MEI4: variants seen among roughly 807,000 people sequenced by gnomAD.
MEI4 encodes the protein meiotic double-stranded break formation protein 4.
Under a neutral mutation model 31.4 loss-of-function variants are expected in MEI4, and 27 were observed. That is an observed-to-expected ratio of 0.86 (90% CI 0.63 to 1.19). The LOEUF (loss-of-function observed/expected upper bound fraction) is 1.19, where lower values mean the gene tolerates loss of function less well. MEI4 is among the 50% of genes most tolerant of loss of function. The pLI is 0.00. For missense variants in MEI4, 329 were observed against 398.9 expected (o/e 0.82, Z 1.49); for synonymous variants, 122 against 145.4 (o/e 0.84, Z 1.16).
At chr6:77,717,787 G>A (rs2127662341) in intron 2 of MEI4, among the ~76,000 whole-genome samples, 1 of 128,664 alleles carries the variant, frequency 7.8e-6, no homozygotes, top group South Asian at 2.5e-4. Flanking sequence ...TGGGGGTAAG[G>A]TCACAGAATC....
Position 77,699,892 on chromosome 6 carries a change from C to T in MEI4, c.232+8989C>T, listed in dbSNP as rs574658000. On this transcript the variant is annotated intron_variant, in intron 2 of 4. Transcript: ENST00000684080. ...GTCAGCAGCAGTGGCTGCAGAACAGCGGTGGCTGTAGAACAGCGGATTTTG... is the reference window on the plus strand; with the variant it reads ...GTCAGCAGCAGTGGCTGCAGAACAGTGGTGGCTGTAGAACAGCGGATTTTG... Among the ~76,000 whole-genome samples the T allele has an allele frequency of 1.0e-3, 155 of 152,100 alleles. 1 individual carries two copies. Among genetic ancestry groups the T allele is most frequent in the Admixed American group, 2.4e-3 (36 of 15,290 alleles).
chr6:77,847,103 G>GT lies in MEI4; in HGVS notation c.900+18050dup, dbSNP rs141534658. 1.8e-3 allele frequency among the ~76,000 whole-genome samples: 273 copies of GT among 150,496 alleles called. 2 individuals carry two copies. Among genetic ancestry groups the GT allele is most frequent in the African/African-American group, 4.9e-3 (201 of 41,004 alleles). ...GAGTTGAAAGGAGTGAGGGAATATT[G>GT]TTTTTTTTTGGTGAGTTAATGAAAA... On this transcript the variant is annotated intron_variant, in intron 4 of 4. Coordinates refer to ENST00000684080, the MANE Select transcript of MEI4 (RefSeq NM_001322247.2). This position sits in a 1 kb window ranked among gnomAD's most constrained non-coding sequence, Gnocchi z 4.6.
chr6:77,853,977 TATG>T (rs1478282341), intron 4 of MEI4, among the ~76,000 whole-genome samples: 14 of 152,256 alleles, frequency 9.2e-5, no homozygotes, highest in Middle Eastern at 3.4e-3. Flanking sequence ...TCTTGGAGAG[TATG>T]ATACTTGTAA....
At chr6:77,921,947 T>C (rs1008146723) in intron 4 of MEI4, among the ~76,000 whole-genome samples, 1 of 151,748 alleles carries the variant, frequency 6.6e-6, no homozygotes, top group South Asian at 2.1e-4. Context: ...TGAAATATTG[T>C]GATAATTACC....
intron 4 of MEI4, among the ~76,000 whole-genome samples, chr6:77,896,376 TATG>T (rs1270592077): frequency 6.6e-6 from 1 of 152,146 alleles, no homozygotes; most frequent in Non-Finnish European, 1.5e-5. Flanking sequence ...GGATTTAATC[TATG>T]ATGATATTGG....
At position 77,895,023 on chromosome 6, in the gene MEI4, CAT is replaced by C. The variant is rs1766052413; in HGVS notation, c.901-28063_901-28062del. ...CAGATCTCTACTTTTCAATATATACCATATGTTTCACCAGCTTTGATTTCTTT... is the reference window on the plus strand; with the variant it reads ...CAGATCTCTACTTTTCAATATATACCATGTTTCACCAGCTTTGATTTCTTT... On this transcript the variant is annotated intron_variant, in intron 4 of 4. Transcript: ENST00000684080. 2.6e-5 allele frequency among the ~76,000 whole-genome samples: 4 copies of C among 152,078 alleles called. No homozygotes were observed. In the South Asian group the frequency reaches 8.3e-4, roughly 32 times the overall value.
At chr6:77,731,944 G>T (rs1268168592) in intron 2 of MEI4, among the ~76,000 whole-genome samples, 1 of 148,646 alleles carries the variant, frequency 6.7e-6, no homozygotes. Flanking sequence ...TTGTACATAT[G>T]CGGCATTATT....
intron 4 of MEI4, among the ~76,000 whole-genome samples, chr6:77,840,775 G>C (rs932505202): frequency 6.6e-6 from 1 of 152,026 alleles, no homozygotes; most frequent in Non-Finnish European, 1.5e-5. Flanking sequence ...AGATGCCAGA[G>C]AAAAATGGCA....
chr6:77,710,459 T>C (rs1190021361), intron 2 of MEI4, among the ~76,000 whole-genome samples: 1 of 140,614 alleles, frequency 7.1e-6, no homozygotes, highest in Non-Finnish European at 1.5e-5. Context: ...GAGGTGGAGA[T>C]TGCAGTGAGC....
At chr6:77,907,718 T>C (rs1766331187) in intron 4 of MEI4, among the ~76,000 whole-genome samples, 1 of 151,880 alleles carries the variant, frequency 6.6e-6, no homozygotes, top group Non-Finnish European at 1.5e-5. Context: ...TAGAACTGAC[T>C]TCCACACTGA....
Position 77,748,627 on chromosome 6 carries a change from T to C in MEI4, c.233-12503T>C, listed in dbSNP as rs115812270. ...ATCCGTGGAGACATTTTCCCCATTG[T>C]CTTGGAGATTAACATTAGACTCCTC... On this transcript the variant is annotated intron_variant, in intron 2 of 4. Coordinates refer to ENST00000684080, the MANE Select transcript of MEI4 (RefSeq NM_001322247.2). Among the ~76,000 whole-genome samples, 479 of 152,346 alleles carry C rather than the reference T, an allele frequency of 3.1e-3. 2 individuals are homozygous for C. The highest frequency in any genetic ancestry group is 0.011 in the African/African-American group (464 of 41,588).
chr6:77,855,447 G>C (rs763978635), intron 4 of MEI4, among the ~76,000 whole-genome samples: 4 of 152,152 alleles, frequency 2.6e-5, no homozygotes, highest in Non-Finnish European at 5.9e-5. Context: ...TGGAAAAACT[G>C]CTTATGGTTC....
At chr6:77,725,077 T>A (rs1766790993) in intron 2 of MEI4, among the ~76,000 whole-genome samples, 1 of 114,680 alleles carries the variant, frequency 8.7e-6, no homozygotes, top group East Asian at 2.5e-4. Context: ...TCCTTACCAA[T>A]TCTTTTCCAA....
intron 4 of MEI4, among the ~76,000 whole-genome samples, chr6:77,882,341 C>T (rs1002380234): frequency 6.6e-6 from 1 of 152,132 alleles, no homozygotes; most frequent in African/African-American, 2.4e-5. Flanking sequence ...TCATCAAGCA[C>T]ATGATTATAC....
At chr6:77,827,055 A>G (rs1769969296) in intron 3 of MEI4, among the ~76,000 whole-genome samples, 1 of 152,050 alleles carries the variant, frequency 6.6e-6, no homozygotes, top group African/African-American at 2.4e-5. Flanking sequence ...TGCTACTTCT[A>G]TTGTGATTAA....
intron 1 of MEI4, among the ~76,000 whole-genome samples, chr6:77,683,976 T>A (rs1431254692): frequency 6.6e-6 from 1 of 152,192 alleles, no homozygotes; most frequent in African/African-American, 2.4e-5. Flanking sequence ...TCCGTAGATG[T>A]TGTACTAATT....
chr6:77,889,605 C>T (rs1034846385), intron 4 of MEI4, among the ~76,000 whole-genome samples: 2 of 152,188 alleles, frequency 1.3e-5, no homozygotes, highest in African/African-American at 4.8e-5. Context: ...GGGAGAAATT[C>T]AAGCTGGCTA....
At chr6:77,701,721 AAAAG>A (rs1766227932) in intron 2 of MEI4, among the ~76,000 whole-genome samples, 1 of 152,128 alleles carries the variant, frequency 6.6e-6, no homozygotes, top group Non-Finnish European at 1.5e-5. Flanking sequence ...GGCCAGAGTG[AAAAG>A]AAAGTAAGAA....
intron 1 of MEI4, among the ~76,000 whole-genome samples, chr6:77,673,296 T>C (rs1304768342): frequency 1.3e-5 from 2 of 152,212 alleles, no homozygotes; most frequent in Non-Finnish European, 2.9e-5. Context: ...AACTAATAAT[T>C]CTTAAGTGCT....
Sources: gnomAD v4.1 joint callset for allele counts (sites outside exome capture counted in the v4.1 genomes callset) on GRCh38, gnomAD v4.1.1 for gene constraint, Gnocchi (gnomAD v3.1) non-coding constraint, MANE v1.5 for transcripts, NCBI Gene and HGNC (gene_info 2026-07-23, HGNC 2026-07-21) for gene names.